Variants in SFMBT2 observed in about 807,000 individuals in gnomAD.
The protein encoded by SFMBT2 is scm-like with four MBT domains protein 2.
A neutral mutation model predicts 110.1 loss-of-function variants in SFMBT2; 38 were observed. That is an observed-to-expected ratio of 0.35 (90% CI 0.27 to 0.45). SFMBT2 has a LOEUF of 0.45. SFMBT2 is among the 20% of genes least tolerant of loss of function. The probability of loss-of-function intolerance (pLI) is 1.00; values close to 1 mark genes in which losing one functional copy is unlikely to be tolerated. For missense variants in SFMBT2, 1,011 were observed against 1,094.9 expected (o/e 0.92, Z 1.08); for synonymous variants, 425 against 425.4 (o/e 1.00, Z 0.01).
intron 4 of SFMBT2, among the ~76,000 whole-genome samples, chr10:7,317,342 T>C (rs1843044771): frequency 6.6e-6 from 1 of 152,070 alleles, no homozygotes. Context: ...TGCTCTCAAT[T>C]CCAAGCGAAG....
chr10:7,244,191 T>A, intron 8 of SFMBT2: 1 of 246,838 alleles, frequency 4.1e-6, no homozygotes, highest in Non-Finnish European at 6.5e-6. Context: ...CACCCCACCC[T>A]CCAGCCCGAG....
intron 1 of SFMBT2, among the ~76,000 whole-genome samples, chr10:7,391,795 TG>T (rs1178806861): frequency 6.6e-6 from 1 of 152,232 alleles, no homozygotes; most frequent in East Asian, 1.9e-4. Flanking sequence ...TTGTTGTTGT[TG>T]TTTAGTTCAC....
At chr10:7,248,956 A>C (rs925708610) in intron 7 of SFMBT2, 1 of 189,878 alleles carries the variant, frequency 5.3e-6, no homozygotes. Flanking sequence ...CAGCAGAGTA[A>C]GGGAGGCAAT....
chr10:7,221,735 G>C (rs1839748208), intron 10 of SFMBT2, among the ~76,000 whole-genome samples: 1 of 151,410 alleles, frequency 6.6e-6, no homozygotes, highest in Non-Finnish European at 1.5e-5. Context: ...TATTGCTATT[G>C]TTTATTGCTA....
chr10:7,329,381 A>G, intron 4 of SFMBT2: 1 of 944,594 alleles, frequency 1.1e-6, no homozygotes, highest in Non-Finnish European at 1.3e-6. Flanking sequence ...ACTGGCGTCC[A>G]GTCCTCAGCA....
chr10:7,274,474 A>G (rs1253842234), intron 7 of SFMBT2, among the ~76,000 whole-genome samples: 1 of 152,164 alleles, frequency 6.6e-6, no homozygotes, highest in Non-Finnish European at 1.5e-5. Context: ...CCTGATAGTG[A>G]GTAAGCTCTC....
chr10:7,319,897 A>G (rs111207981), intron 4 of SFMBT2, among the ~76,000 whole-genome samples: 1 of 144,078 alleles, frequency 6.9e-6, no homozygotes, highest in Admixed American at 7.0e-5. Context: ...ACAGAGAGAC[A>G]GAGAGAGACT....
rs549290487 is a variant in SFMBT2 at position 7,315,525 on chromosome 10, A to G, written c.437-29571T>C. On this transcript the variant is annotated intron_variant, in intron 4 of 20. Transcript: ENST00000397167. Reference sequence around the variant, plus strand: ...AGTTCCAGTTCTCAGGCCTCAGGCTAGGACTGGAAATTACACCATCTTCCA... The same window carrying G: ...AGTTCCAGTTCTCAGGCCTCAGGCTGGGACTGGAAATTACACCATCTTCCA... Among the ~76,000 whole-genome samples the G allele has an allele frequency of 5.9e-5, 9 of 152,324 alleles. No homozygotes were observed. In the South Asian group the frequency reaches 1.9e-3, roughly 32 times the overall value.
At chr10:7,191,713 C>T (rs1838606414) in intron 15 of SFMBT2, among the ~76,000 whole-genome samples, 1 of 152,192 alleles carries the variant, frequency 6.6e-6, no homozygotes, top group African/African-American at 2.4e-5. Flanking sequence ...AAGACATAAG[C>T]AGCAGGAAAT....
At chr10:7,272,949 T>C (rs531870129) in intron 7 of SFMBT2, among the ~76,000 whole-genome samples, 1 of 152,170 alleles carries the variant, frequency 6.6e-6, no homozygotes, top group South Asian at 2.1e-4. Context: ...CATGCCACCA[T>C]GCCCGGCTAA....
rs569544229 is a variant in SFMBT2 at position 7,341,834 on chromosome 10, T to C, written c.436+25815A>G. On this transcript the variant is annotated intron_variant, in intron 4 of 20. Coordinates refer to ENST00000397167, the MANE Select transcript of SFMBT2 (RefSeq NM_001387889.1). ...CATGGCTGAAGTCGGGTAACGAGCA[T>C]ATGAAGTTCACTATATATTCTGTCT... 3.3e-5 allele frequency among the ~76,000 whole-genome samples: 5 copies of C among 152,318 alleles called. No homozygotes were observed. The South Asian group carries it at 8.3e-4, about 25-fold the overall frequency.
At chr10:7,193,923 C>T (rs1011739809) in intron 15 of SFMBT2, among the ~76,000 whole-genome samples, 5 of 152,120 alleles carry the variant, frequency 3.3e-5, no homozygotes, top group East Asian at 3.9e-4. Context: ...CCTGGTACTC[C>T]GGGAGAGGTT....
intron 4 of SFMBT2, among the ~76,000 whole-genome samples, chr10:7,302,503 C>T (rs1167311800): frequency 6.6e-6 from 1 of 152,174 alleles, no homozygotes; most frequent in East Asian, 1.9e-4. Flanking sequence ...TTGGCATAAC[C>T]CAGGGGAAGT....
chr10:7,218,838 A>C (rs1839628377), intron 11 of SFMBT2, among the ~76,000 whole-genome samples: 1 of 152,176 alleles, frequency 6.6e-6, no homozygotes, highest in African/African-American at 2.4e-5. Flanking sequence ...AGAGCAATGG[A>C]ATTGAACCCC....
intron 4 of SFMBT2, among the ~76,000 whole-genome samples, chr10:7,347,755 T>C (rs1219064967): frequency 6.6e-6 from 1 of 152,158 alleles, no homozygotes; most frequent in Non-Finnish European, 1.5e-5. Flanking sequence ...CATACTGTAC[T>C]TTGATGAGGA....
chr10:7,307,429 G>A (rs903866177), intron 4 of SFMBT2, among the ~76,000 whole-genome samples: 4 of 152,166 alleles, frequency 2.6e-5, no homozygotes, highest in Non-Finnish European at 1.5e-5. Flanking sequence ...CTGCCATACA[G>A]ATGACAAAAG....
chr10:7,323,088 A>T (rs866653720), intron 4 of SFMBT2, among the ~76,000 whole-genome samples: 10 of 152,224 alleles, frequency 6.6e-5, no homozygotes, highest in African/African-American at 2.2e-4. Context: ...TATTGATACC[A>T]TTTATGGAAA....
chr10:7,346,816 CAAAAAA>C (rs34063872), intron 4 of SFMBT2, among the ~76,000 whole-genome samples: 8 of 59,832 alleles, frequency 1.3e-4, no homozygotes, highest in African/African-American at 4.1e-4. Context: ...ATTAAAGATA[CAAAAAA>C]AAAAAAAAAA....
chr10:7,357,518 C>T (rs1302464557), intron 4 of SFMBT2, among the ~76,000 whole-genome samples: 2 of 152,148 alleles, frequency 1.3e-5, no homozygotes, highest in African/African-American at 4.8e-5. Context: ...AACTGCAGCT[C>T]TTTCCTAAGT....
Sources: gnomAD v4.1 joint callset for allele counts (sites outside exome capture counted in the v4.1 genomes callset) on GRCh38, gnomAD v4.1.1 for gene constraint, MANE v1.5 for transcripts, NCBI Gene and HGNC (gene_info 2026-07-23, HGNC 2026-07-21) for gene names.